NCOA6: variants seen among roughly 807,000 people sequenced by gnomAD.
NCOA6 encodes the protein NRC RAP250.
In NCOA6, 49 loss-of-function variants were observed where a neutral mutation model predicts 171.4. That is an observed-to-expected ratio of 0.29 (90% CI 0.23 to 0.36). The LOEUF (loss-of-function observed/expected upper bound fraction) is 0.36, where lower values mean the gene tolerates loss of function less well. NCOA6 is among the 10% of genes least tolerant of loss of function. The probability of loss-of-function intolerance (pLI) is 1.00; values close to 1 mark genes in which losing one functional copy is unlikely to be tolerated. For synonymous variants in NCOA6, 910 were observed against 927.5 expected (o/e 0.98, Z 0.34); for missense variants, 2,248 against 2,554.5 (o/e 0.88, Z 2.59).
chr20:34,802,082 ACAT>A (rs2078273463), intron 1 of NCOA6, among the ~76,000 whole-genome samples: 1 of 152,222 alleles, frequency 6.6e-6, no homozygotes, highest in Non-Finnish European at 1.5e-5. Flanking sequence ...AAGCAAAGAA[ACAT>A]CAAAAAAAGA....
intron 5 of NCOA6, 49 bp from the exon 6 acceptor site, chr20:34,758,982 G>C: frequency 6.5e-7 from 1 of 1,549,610 alleles, no homozygotes; most frequent in Non-Finnish European, 8.8e-7. Context: ...CACAATTTTT[G>C]TTTTTTAATG....
chr20:34,749,358 AG>A (rs1280377131), intron 9 of NCOA6, 44 bp downstream of exon 9: 1 of 1,542,098 alleles, frequency 6.5e-7, no homozygotes, highest in African/African-American at 1.4e-5. Flanking sequence ...TTATCCACAC[AG>A]AAAACAAATG....
intron 5 of NCOA6, 144 bp downstream of exon 5, chr20:34,768,320 G>T: frequency 9.3e-7 from 1 of 1,073,062 alleles, no homozygotes; most frequent in South Asian, 1.6e-5. Context: ...CCTCCGGGAA[G>T]GACTCATGTC....
rs757230176 is a variant in NCOA6, at chr20:34,757,305, T to C, written c.1443A>G (p.Gln481=). The C allele has an allele frequency of 6.2e-7, 1 of 1,614,108 alleles. No individual in the cohort carries two copies. The highest frequency in any genetic ancestry group is 1.1e-5 in the South Asian group (1 of 91,078). ...TGAAGTTAGGTGGCACATTTCCCTGTTGAACCATAGGATTCCGACCCGGAG... is the reference window on the plus strand; with the variant it reads ...TGAAGTTAGGTGGCACATTTCCCTGCTGAACCATAGGATTCCGACCCGGAG... The part of the protein sequence containing the change: ...VSSPGRNPMV[Q]QGNVPPNFMV... The change falls in exon 7 of 15, where the codon CAA becomes CAG. Residue 481 remains glutamine (Q), a synonymous_variant. Coordinates refer to ENST00000359003, the MANE Select transcript of NCOA6 (RefSeq NM_014071.5).
chr20:34,716,128 G>C (rs1988549925), intron 14 of NCOA6, among the ~76,000 whole-genome samples: 1 of 150,066 alleles, frequency 6.7e-6, no homozygotes, highest in Non-Finnish European at 1.5e-5. Flanking sequence ...CTGAGGCAGG[G>C]GAATTGCTTG....
At chr20:34,807,418 TA>T (rs1320833390) in intron 1 of NCOA6, among the ~76,000 whole-genome samples, 1 of 152,210 alleles carries the variant, frequency 6.6e-6, no homozygotes, top group Non-Finnish European at 1.5e-5. Context: ...CATGCCATAA[TA>T]AAAATGTATG....
chr20:34,749,919 G>A lies in NCOA6; in HGVS notation c.2276C>T (p.Thr759Met), dbSNP rs187622379. ...PNMQGNMVQF[T>M]GQMSGQMLPQ... ...CAGCATCTGTCCTGACATCTGTCCC[G>A]TAAACTGCACCATATTTCCTTGCAT... The change falls in exon 9 of 15, where the codon ACG becomes ATG. Residue 759 changes from threonine to methionine, a missense_variant. By Grantham distance (81) the Thr-to-Met change is moderately conservative (BLOSUM62 -1). Transcript: ENST00000359003. 36 of 1,614,164 alleles carry A rather than the reference G, an allele frequency of 2.2e-5. No homozygotes were observed. Among genetic ancestry groups the A allele is most frequent in the East Asian group, 4.5e-5 (2 of 44,872 alleles).
chr20:34,776,600 T>A (rs1187641178), intron 3 of NCOA6, 152 bp from the exon 4 acceptor site: 8 of 911,762 alleles, frequency 8.8e-6, no homozygotes, highest in Non-Finnish European at 1.4e-5. Flanking sequence ...CAGACTCAAA[T>A]CTAATCCTAG....
chr20:34,789,603 T>C (rs1413328367), intron 2 of NCOA6, among the ~76,000 whole-genome samples: 2 of 152,102 alleles, frequency 1.3e-5, no homozygotes, highest in Non-Finnish European at 2.9e-5. Flanking sequence ...TGAAACCCCA[T>C]TTCTACAGAA....
intron 5 of NCOA6, among the ~76,000 whole-genome samples, chr20:34,766,287 T>C (rs530621863): frequency 6.6e-6 from 1 of 152,316 alleles, no homozygotes; most frequent in Admixed American, 6.5e-5. Flanking sequence ...AACCTAAAGC[T>C]TCTCAGTTTC....
chr20:34,740,437 A>C lies in NCOA6; in HGVS notation c.5819T>G (p.Ile1940Arg), dbSNP rs1346515933. The change falls in exon 11 of 15, where the codon ATA becomes AGA. Residue 1940 changes from isoleucine to arginine, a missense_variant. By Grantham distance (97) the Ile-to-Arg change is moderately conservative. Around this residue, in one of 7 missense-constraint regions of NCOA6, gnomAD observed 884 missense variants for 941.9 expected, o/e 0.94. Coordinates refer to ENST00000359003, the MANE Select transcript of NCOA6 (RefSeq NM_014071.5). ...GCCACCCGCAAGTGACTCAGATGCT[A>C]TGCCACCATGATTGCTTTTTGTGGT... ...VPTTKSNHGGIASESLAGGLV... is the reference protein window; with the variant it reads ...VPTTKSNHGGRASESLAGGLV... The C allele has an allele frequency of 6.2e-7, 1 of 1,614,190 alleles. No homozygotes were observed. The highest frequency in any genetic ancestry group is 8.5e-7 in the Non-Finnish European group (1 of 1,180,028).
At position 34,740,723 on chromosome 20, in the gene NCOA6, G is replaced by T; in HGVS notation, c.5533C>A (p.Gln1845Lys). 1 of 1,614,186 alleles carries T rather than the reference G, an allele frequency of 6.2e-7. No homozygotes were observed. The change falls in exon 11 of 15, where the codon CAA (glutamine) becomes AAA (lysine). Residue 1845 changes from glutamine to lysine, a missense_variant. Gln to Lys is a moderately conservative substitution (Grantham distance 53, BLOSUM62 1). Around this residue, in one of 7 missense-constraint regions of NCOA6, gnomAD observed 884 missense variants for 941.9 expected, o/e 0.94. Transcript: ENST00000359003. Reference sequence around the variant, plus strand: ...TCAGTCTCTCCATCTGCACCATATTGTTCTTCCCCTTTCTCAAGAGAGCCT... The same window carrying T: ...TCAGTCTCTCCATCTGCACCATATTTTTCTTCCCCTTTCTCAAGAGAGCCT... ...VTGSLEKGEE[Q>K]YGADGETEGQ...
chr20:34,750,311 G>T lies in NCOA6; in HGVS notation c.1884C>A (p.Ile628=), dbSNP rs61736332. The change falls in exon 9 of 15, where the codon ATC becomes ATA. Residue 628 remains isoleucine, a synonymous_variant. Transcript: ENST00000359003. The stretch of plus-strand genomic sequence containing the variant: ...GGACCATCTGGCCCTGGGAGGGCAC[G>T]ATTTGCTGGTGCATGCCCATCAGCT... The part of the protein sequence containing the change: ...PSQLMGMHQQ[I]VPSQGQMVQQ... 3 of 1,613,396 alleles carry T rather than the reference G, an allele frequency of 1.9e-6. No homozygotes were observed. Among genetic ancestry groups the T allele is most frequent in the Non-Finnish European group, 2.5e-6 (3 of 1,179,710 alleles).
intron 2 of NCOA6, among the ~76,000 whole-genome samples, chr20:34,788,664 A>C (rs779367761): frequency 2.0e-5 from 3 of 152,166 alleles, no homozygotes; most frequent in Non-Finnish European, 2.9e-5. Flanking sequence ...TAGGTTTTAA[A>C]GTTGAAGATT....
Position 34,749,908 on chromosome 20 carries a change from A to G in NCOA6, c.2287T>C (p.Ser763Pro). The G allele has an allele frequency of 6.2e-7, 1 of 1,614,136 alleles. No homozygotes were observed. The highest frequency in any genetic ancestry group is 8.5e-7 in the Non-Finnish European group (1 of 1,180,036). Reference sequence around the variant, plus strand: ...CCTTGCTGGGGCAGCATCTGTCCTGACATCTGTCCCGTAAACTGCACCATA... The same window carrying G: ...CCTTGCTGGGGCAGCATCTGTCCTGGCATCTGTCCCGTAAACTGCACCATA... ...GNMVQFTGQM[S>P]GQMLPQQGPV... Residue 763 changes from serine to proline, a missense_variant, in exon 9 of 15, where the codon TCA becomes CCA. Physicochemically the swap from Ser to Pro is moderately conservative, Grantham distance 74. Around this residue, in one of 7 missense-constraint regions of NCOA6, gnomAD observed 987 missense variants for 1,104.7 expected, o/e 0.89. Coordinates refer to ENST00000359003, the MANE Select transcript of NCOA6 (RefSeq NM_014071.5).
chr20:34,762,261 T>C lies in NCOA6; in HGVS notation c.515-3328A>G, dbSNP rs78108466. Among the ~76,000 whole-genome samples, 739 of 152,332 alleles carry C rather than the reference T, an allele frequency of 4.9e-3. 8 individuals carry two copies. The highest frequency in any genetic ancestry group is 0.017 in the African/African-American group (717 of 41,582). On this transcript the variant is annotated intron_variant, in intron 5 of 14. Coordinates refer to ENST00000359003, the MANE Select transcript of NCOA6 (RefSeq NM_014071.5). Reference sequence around the variant, plus strand: ...TGGTAAAAATATTATTATGCTTTTCTTGGTTAATAATCACCTTGTTAATCT... The same window carrying C: ...TGGTAAAAATATTATTATGCTTTTCCTGGTTAATAATCACCTTGTTAATCT...
Position 34,740,292 on chromosome 20 carries a change from C to T in NCOA6, c.5893+71G>A, listed in dbSNP as rs546045651. 4 of 1,522,168 alleles carry T rather than the reference C, an allele frequency of 2.6e-6. No individual in the cohort carries two copies. In the South Asian group the frequency reaches 5.3e-5, roughly 20 times the overall value. The allele number at this position is 1,522,168 out of a possible 1,614,324, so 94.3% of individuals were successfully genotyped here. A position where few individuals can be genotyped will look rare whatever the true frequency, so the allele number is the denominator to read the frequency against. On this transcript the variant is annotated intron_variant, in intron 11 of 14. Transcript: ENST00000359003. ...TCTTTCCTCCAAGTAAAAAAGGAGT[C>T]ATGCTTTCTCTTGTGGGATTAGGTC... is the stretch of plus-strand genomic sequence containing the variant.
At chr20:34,822,723 G>C (rs1349363787) in intron 1 of NCOA6, among the ~76,000 whole-genome samples, 2 of 152,184 alleles carry the variant, frequency 1.3e-5, no homozygotes, top group Non-Finnish European at 2.9e-5. Context: ...TTTGCTGAAT[G>C]GAAGACATGC....
rs1233303761 is a variant in NCOA6 at position 34,741,707 on chromosome 20, G to A, written c.4549C>T (p.Pro1517Ser). Residue 1517 changes from proline to serine, a missense_variant, in exon 11 of 15, where the codon CCT becomes TCT. Pro to Ser is a moderately conservative substitution (Grantham distance 74). Around this residue, in one of 7 missense-constraint regions of NCOA6, gnomAD observed 884 missense variants for 941.9 expected, o/e 0.94. Coordinates refer to ENST00000359003, the MANE Select transcript of NCOA6 (RefSeq NM_014071.5). ...PPGLTDLEVT[P>S]PVVSGEDLKK... is the part of the protein sequence containing the mutation. The stretch of plus-strand genomic sequence containing the variant: ...AGGTCCTCCCCAGAAACTACTGGAG[G>A]TGTTACTTCCAGATCTGTAAGCCCA... 2 of 1,614,198 alleles carry A rather than the reference G, an allele frequency of 1.2e-6. No individual in the cohort carries two copies. Among genetic ancestry groups the A allele is most frequent in the Non-Finnish European group, 1.7e-6 (2 of 1,180,026 alleles).
Sources: gnomAD v4.1 joint callset for allele counts (sites outside exome capture counted in the v4.1 genomes callset) on GRCh38, gnomAD v4.1.1 for gene constraint, gnomAD v4.1.1 regional missense constraint, MANE v1.5 for transcripts, NCBI Gene and HGNC (gene_info 2026-07-23, HGNC 2026-07-21) for gene names.